TRIM54: variants seen among roughly 807,000 people sequenced by gnomAD.
The protein encoded by TRIM54 is tripartite motif-containing protein 54.
A neutral mutation model predicts 42.0 loss-of-function variants in TRIM54; 40 were observed. That is an observed-to-expected ratio of 0.95 (90% confidence interval 0.74 to 1.24). The LOEUF (loss-of-function observed/expected upper bound fraction) is 1.24. TRIM54 is among the 50% of genes most tolerant of loss of function. The probability of loss-of-function intolerance (pLI) is 0.00; values close to 1 mark genes in which losing one functional copy is unlikely to be tolerated. For synonymous variants in TRIM54, 199 were observed against 194.9 expected (o/e 1.02, Z -0.17); for missense variants, 485 against 480.3 (o/e 1.01, Z -0.09).
At chr2:27,292,637 G>A (rs1678751434) in intron 1 of TRIM54, among the ~76,000 whole-genome samples, 2 of 152,084 alleles carry the variant, frequency 1.3e-5, no homozygotes, top group African/African-American at 4.8e-5. Flanking sequence ...ACATTGTTGT[G>A]AAACTGTCAC....
Position 27,307,261 on chromosome 2 carries a change from CA to C in TRIM54, c.*377del, listed in dbSNP as rs1679253006. ...TTTGGGGACCCTTGGGGTCCACATG[CA>C]CCTGGCTGACCTGGCTGAAAGCCGC... On this transcript the variant is annotated 3_prime_UTR_variant, in exon 9 of 9. Transcript: ENST00000380075. This position sits in a 1 kb window ranked among gnomAD's most constrained non-coding sequence, Gnocchi z 6.9. The C allele has an allele frequency of 1.7e-6, 1 of 572,698 alleles. No homozygotes were observed. The highest frequency in any genetic ancestry group is 1.9e-5 in the African/African-American group (1 of 51,712). 35.5% of individuals were successfully genotyped at this position (572,698 alleles called of 1,614,324 possible). A position where few individuals can be genotyped will look rare whatever the true frequency, so the allele number is the denominator to read the frequency against.
At chr2:27,288,798 GTGTTC>G (rs1354404092) in intron 1 of TRIM54, among the ~76,000 whole-genome samples, 1 of 152,156 alleles carries the variant, frequency 6.6e-6, no homozygotes, top group East Asian at 1.9e-4. Context: ...ATAAATCTAG[GTGTTC>G]TGTTATGTTT....
rs1679255848 is a variant in TRIM54 at position 27,307,338 on chromosome 2, C to G, written c.*453C>G. ...TGTTCCCCTCCCGCTGGCCCGGGGG[C>G]CCCACCTTCCCACGGGTTCCCACGC... On this transcript the variant is annotated 3_prime_UTR_variant, in exon 9 of 9. Coordinates refer to ENST00000380075, the MANE Select transcript of TRIM54 (RefSeq NM_187841.3). The surrounding 1 kb of genome is among the most constrained non-coding windows in gnomAD (Gnocchi z 6.9). The G allele has an allele frequency of 4.5e-6, 5 of 1,111,228 alleles. No homozygotes were observed. The East Asian group carries it at 1.4e-4, about 31-fold the overall frequency. 68.8% of individuals were successfully genotyped at this position (1,111,228 alleles called of 1,614,324 possible).
chr2:27,298,354 G>T (rs149691300), intron 1 of TRIM54, among the ~76,000 whole-genome samples: 15 of 152,160 alleles, frequency 9.9e-5, no homozygotes, highest in African/African-American at 3.1e-4. Flanking sequence ...ACTCTAGGAG[G>T]TGGGCTGAAT....
chr2:27,297,386 C>T (rs976490234), intron 1 of TRIM54, among the ~76,000 whole-genome samples: 1 of 152,194 alleles, frequency 6.6e-6, no homozygotes, highest in Non-Finnish European at 1.5e-5. Flanking sequence ...GTCAGGTGAT[C>T]ACCTCCTTAG....
In TRIM54 at chr2:27,298,002, G is replaced by T. The variant is rs186930767; in HGVS notation, c.169-565G>T. Among the ~76,000 whole-genome samples the T allele has an allele frequency of 1.7e-3, 191 of 112,580 alleles. 2 individuals are homozygous for T. Among genetic ancestry groups the T allele is most frequent in the African/African-American group, 7.1e-3 (184 of 26,084 alleles). 73.9% of individuals were successfully genotyped at this position (112,580 alleles called of 152,430 possible). A position where few individuals can be genotyped will look rare whatever the true frequency, so the allele number is the denominator to read the frequency against. On this transcript the variant is annotated intron_variant, in intron 1 of 8. Transcript: ENST00000380075. The stretch of plus-strand genomic sequence containing the variant: ...TCTCAAAAAAAAAAAAAAAAAAAAA[G>T]GCCGGGGGGAGGGCATCAGAGATAG...
intron 3 of TRIM54, among the ~76,000 whole-genome samples, chr2:27,300,122 A>G (rs925154829): frequency 2.6e-5 from 4 of 152,176 alleles, no homozygotes; most frequent in Non-Finnish European, 4.4e-5. Context: ...AACTACAGGC[A>G]TGTGCCACCA....
chr2:27,299,969 A>C (rs900232051), intron 3 of TRIM54, among the ~76,000 whole-genome samples: 2 of 150,486 alleles, frequency 1.3e-5, no homozygotes, highest in Admixed American at 1.3e-4. Context: ...CACTGCGCCC[A>C]GCTCCATTTA....
chr2:27,306,671 T>C lies in TRIM54; in HGVS notation c.*1+129T>C. ...GCGGGTAGCGTGGAGCCCCCACTCC[T>C]CGGTGCAACCCAACCCCGGAGCCAC... On this transcript the variant is annotated intron_variant, in intron 8 of 8. Coordinates refer to ENST00000380075, the MANE Select transcript of TRIM54 (RefSeq NM_187841.3). This position sits in a 1 kb window ranked among gnomAD's most constrained non-coding sequence, Gnocchi z 6.1. The C allele has an allele frequency of 9.9e-7, 1 of 1,012,280 alleles. No homozygotes were observed. The highest frequency in any genetic ancestry group is 1.6e-5 in the African/African-American group (1 of 61,504). The allele number at this position is 1,012,280 out of a possible 1,614,324, so 62.7% of individuals were successfully genotyped here.
intron 1 of TRIM54, among the ~76,000 whole-genome samples, chr2:27,294,660 GGT>G (rs1678814284): frequency 6.6e-6 from 1 of 152,030 alleles, no homozygotes. Context: ...GGGAGGCTGA[GGT>G]GGGCGGATCA....
chr2:27,298,838 G>A, intron 2 of TRIM54, 99 bp downstream of exon 2: 2 of 1,309,114 alleles, frequency 1.5e-6, no homozygotes, highest in Non-Finnish European at 2.1e-6. Context: ...CGGTCAACCT[G>A]CCTGTTCTGT....
intron 1 of TRIM54, among the ~76,000 whole-genome samples, chr2:27,296,331 A>C (rs889513602): frequency 6.6e-6 from 1 of 152,210 alleles, no homozygotes; most frequent in South Asian, 2.1e-4. Flanking sequence ...ATGCTAGCTC[A>C]TAGGTGACCA....
intron 1 of TRIM54, among the ~76,000 whole-genome samples, chr2:27,295,996 C>T (rs1011326545): frequency 6.6e-6 from 1 of 152,196 alleles, no homozygotes; most frequent in Non-Finnish European, 1.5e-5. Flanking sequence ...TGAATTATCT[C>T]AAACTAATCT....
chr2:27,293,451 AGG>A (rs1371970676), intron 1 of TRIM54, among the ~76,000 whole-genome samples: 1 of 152,146 alleles, frequency 6.6e-6, no homozygotes, highest in African/African-American at 2.4e-5. Context: ...TCTACCATAG[AGG>A]CCCACACAGG....
chr2:27,287,766 C>T (rs1231471435), intron 1 of TRIM54, among the ~76,000 whole-genome samples: 3 of 152,204 alleles, frequency 2.0e-5, no homozygotes, highest in African/African-American at 4.8e-5. Context: ...TGGCCTCAAG[C>T]GATCCTCTCA....
chr2:27,290,760 C>T (rs994743377), intron 1 of TRIM54, among the ~76,000 whole-genome samples: 7 of 152,188 alleles, frequency 4.6e-5, no homozygotes, highest in Non-Finnish European at 2.9e-5. Context: ...GACAAAGTCA[C>T]GGGCTGCTAA....
In TRIM54 at chr2:27,299,436, G is replaced by A; in HGVS notation, c.513+20G>A. 1 of 1,611,178 alleles carries A rather than the reference G, an allele frequency of 6.2e-7. No individual in the cohort carries two copies. The highest frequency in any genetic ancestry group is 1.1e-5 in the South Asian group (1 of 90,732). On this transcript the variant is annotated intron_variant, in intron 3 of 8. Coordinates refer to ENST00000380075, the MANE Select transcript of TRIM54 (RefSeq NM_187841.3). ...CAGAAGGTATCAAACAGGGGAGGGA[G>A]TAGATATGTGAGAGATGGGGGCTTA...
chr2:27,291,586 G>A (rs577458366), intron 1 of TRIM54, among the ~76,000 whole-genome samples: 9 of 152,094 alleles, frequency 5.9e-5, no homozygotes, highest in South Asian at 2.1e-4. Flanking sequence ...CAATGAGGGC[G>A]TCTAAGCAAT....
Position 27,299,398 on chromosome 2 carries a change from C to A in TRIM54, c.495C>A (p.Thr165=). 1 of 1,613,980 alleles carries A rather than the reference C, an allele frequency of 6.2e-7. No homozygotes were observed. Among genetic ancestry groups the A allele is most frequent in the Non-Finnish European group, 8.5e-7 (1 of 1,179,976 alleles). The part of the protein sequence containing the change: ...HKDCEVAPLP[T]IYKRQKSELS... ...ACTGTGAGGTGGCCCCACTGCCCAC[C>A]ATTTACAAACGCCAGAAGGTATCAA... is the stretch of plus-strand genomic sequence containing the variant. The change falls in exon 3 of 9, where the codon ACC becomes ACA. Residue 165 remains threonine, a synonymous_variant. Coordinates refer to ENST00000380075, the MANE Select transcript of TRIM54 (RefSeq NM_187841.3).
Sources: allele counts gnomAD v4.1 joint callset (sites outside exome capture counted in the v4.1 genomes callset), GRCh38; gene constraint gnomAD v4.1.1; non-coding constraint Gnocchi (gnomAD v3.1); transcripts MANE v1.5; gene names NCBI Gene and HGNC (gene_info 2026-07-23, HGNC 2026-07-21).